Variants in GALK1 observed in about 807,000 individuals in gnomAD.
GALK1 encodes the protein galactokinase 1, also known as galactokinase.
Under a neutral mutation model 38.6 loss-of-function variants are expected in GALK1, and 30 were observed. The ratio of observed to expected loss-of-function variants is 0.78; its 90% CI spans 0.58 to 1.05. GALK1 has a LOEUF of 1.05. GALK1 is among the 50% of genes least tolerant of loss of function. The pLI, the probability that GALK1 is intolerant of heterozygous loss-of-function variation, is 0.00. For synonymous variants in GALK1, 240 were observed against 233.6 expected (o/e 1.03, Z -0.25); for missense variants, 512 against 540.5 (o/e 0.95, Z 0.52).
chr17:75,761,900 G>A (rs2061589019), intron 5 of GALK1, among the ~76,000 whole-genome samples: 1 of 151,538 alleles, frequency 6.6e-6, no homozygotes, highest in Non-Finnish European at 1.5e-5. Flanking sequence ...GGCGCCTGTA[G>A]TCCCAGCTAC....
chr17:75,764,190 G>GAGTAAGCCTCTCCAA, intron 1 of GALK1, 104 bp from the exon 2 acceptor site: 1 of 1,083,092 alleles, frequency 9.2e-7, no homozygotes, highest in Non-Finnish European at 1.4e-6. Flanking sequence ...CAGTCATCAG[G>GAGTAAGCCTCTCCAA]TTCTGAACCT....
intron 6 of GALK1, 36 bp from the exon 7 acceptor site, chr17:75,758,408 G>A (rs780053277): frequency 2.9e-5 from 45 of 1,578,654 alleles, no homozygotes; most frequent in East Asian, 4.6e-5. Flanking sequence ...GGCCTGGGCC[G>A]GCCTGTGCCC....
intron 7 of GALK1, 26 bp downstream of exon 7, chr17:75,758,184 C>A (rs533842408): frequency 1.2e-6 from 2 of 1,609,286 alleles, no homozygotes; most frequent in African/African-American, 2.7e-5. Context: ...CCGCTCCTGC[C>A]CGCCCAGGCC....
At chr17:75,756,587 C>T (rs989109091), downstream of GALK1, 5 of 1,612,716 alleles carry the variant, frequency 3.1e-6, no homozygotes, top group African/African-American at 4.0e-5. Flanking sequence ...ATCCCAGGTG[C>T]ACCCGCAGAG....
Position 75,758,428 on chromosome 17 carries a change from G to A in GALK1, c.944+21C>T, listed in dbSNP as rs55731940. On this transcript the variant is annotated intron_variant, in intron 6 of 7. Transcript: ENST00000588479. ...GGGCCGGCCTGTGCCCGGCAGGAGC[G>A]GGGCGCCCAGAGGGCCTCACCTGAG... 2,027 of 1,574,590 alleles carry A rather than the reference G, an allele frequency of 1.3e-3. 7 individuals carry two copies. The highest frequency in any genetic ancestry group is 7.5e-3 in the Middle Eastern group (45 of 6,012).
downstream of GALK1, chr17:75,755,141 T>A (rs761793204): frequency 1.2e-6 from 2 of 1,611,564 alleles, no homozygotes; most frequent in South Asian, 1.1e-5. Context: ...GATGAAAGGG[T>A]TCCCCCCTTC....
chr17:75,756,610 C>T (rs761480611), downstream of GALK1: 3 of 1,612,704 alleles, frequency 1.9e-6, no homozygotes, highest in Admixed American at 1.7e-5. Flanking sequence ...CACTGTGTCC[C>T]CTGCCAGGTG....
At chr17:75,753,832 G>GC, downstream of GALK1, 3 of 1,444,486 alleles carry the variant, frequency 2.1e-6, no homozygotes, top group Non-Finnish European at 1.8e-6. Context: ...CGTGGCGGCT[G>GC]CCCCCGGAGC....
At chr17:75,751,793 G>A (rs536755634) in intron 8 of GALK1, 3 of 315,456 alleles carry the variant, frequency 9.5e-6, no homozygotes, top group Admixed American at 4.5e-5. Context: ...CTAGCAGCCC[G>A]AGATCAGAGG....
rs556192480 is a variant in GALK1 at position 75,765,077 on chromosome 17, G to A, written c.60C>T (p.Phe20=). ...CGGGCTCGGCCCCGAACTCCTCCCG[G>A]AAGGCTCGCCGGGCCTCGGCCAGCA... The part of the protein sequence containing the change: ...AELLAEARRA[F]REEFGAEPEL... Residue 20 remains phenylalanine (F), a synonymous_variant, in exon 1 of 8, where the codon TTC becomes TTT. Coordinates refer to ENST00000588479, the MANE Select transcript of GALK1 (RefSeq NM_000154.2). 2.4e-5 allele frequency: 39 copies of A among 1,598,452 alleles called. No homozygotes were observed. In the African/African-American group the frequency reaches 2.8e-4, roughly 12 times the overall value.
rs752685775 is a variant in GALK1, at chr17:75,762,706, T to A, written c.791A>T (p.Glu264Val). The change falls in exon 5 of 8, where the codon GAG (glutamate) becomes GTG (valine). Residue 264 changes from glutamate (E) to valine (V), a missense_variant and splice_region_variant. Coordinates refer to ENST00000588479, the MANE Select transcript of GALK1 (RefSeq NM_000154.2). ...TAGAGCACCCTGGCAGTTCTCACCC[T>A]CTAGCTCTTCCAGTTGTACCTCCCG... ...SLREVQLEEL[E>V]AARDLVSKEG... The A allele has an allele frequency of 4.3e-6, 7 of 1,613,608 alleles. No homozygotes were observed. In the East Asian group the frequency reaches 1.6e-4, roughly 36 times the overall value.
At chr17:75,754,975 T>C (rs1440409443), downstream of GALK1, 61 of 1,535,882 alleles carry the variant, frequency 4.0e-5, no homozygotes, top group Non-Finnish European at 5.0e-5. Context: ...TGCACACATG[T>C]ACACAGACAT....
intron 8 of GALK1, chr17:75,752,404 G>GGGGCAGC: frequency 1.9e-6 from 3 of 1,612,838 alleles, no homozygotes; most frequent in Non-Finnish European, 2.5e-6. Flanking sequence ...AGGGGGGCAG[G>GGGGCAGC]GGGCAGCAGC....
At chr17:75,753,047 GTCAGCTGTGGCTCCACCTGTGGGACA>G (rs2061404273), downstream of GALK1, among the ~76,000 whole-genome samples, 1 of 152,244 alleles carries the variant, frequency 6.6e-6, no homozygotes, top group Non-Finnish European at 1.5e-5. Flanking sequence ...AGTGCTCAGT[GTCAGCTGTGGCTCCACCTGTGGGACA>G]TCAGATGAAT....
downstream of GALK1, chr17:75,754,882 G>C (rs187524227): frequency 4.4e-6 from 7 of 1,607,898 alleles, no homozygotes; most frequent in African/African-American, 1.3e-5. Context: ...CTGGAGCCTC[G>C]GGCTTCTGTC....
At chr17:75,760,752 G>C (rs907209523) in intron 5 of GALK1, among the ~76,000 whole-genome samples, 11 of 151,988 alleles carry the variant, frequency 7.2e-5, no homozygotes, top group African/African-American at 2.7e-4. Flanking sequence ...CTCCAGCCTG[G>C]GCTACAGAGC....
chr17:75,754,213 G>A (rs1235416536), downstream of GALK1, among the ~76,000 whole-genome samples: 1 of 152,224 alleles, frequency 6.6e-6, no homozygotes, highest in African/African-American at 2.4e-5. Flanking sequence ...AGTCTGCCCG[G>A]GAAGCGGACC....
downstream of GALK1, chr17:75,754,086 C>G: frequency 2.1e-6 from 1 of 465,704 alleles, no homozygotes; most frequent in Non-Finnish European, 3.6e-6. Flanking sequence ...CAGCCAGGCC[C>G]GGGCCTTGGC....
downstream of GALK1, chr17:75,757,599 C>CCGA: frequency 6.2e-7 from 1 of 1,612,198 alleles, no homozygotes; most frequent in South Asian, 1.1e-5. Context: ...AGGCGTCCTC[C>CCGA]CGACTCCTCT....
Sources: gnomAD v4.1 joint callset for allele counts (sites outside exome capture counted in the v4.1 genomes callset) on GRCh38, gnomAD v4.1.1 for gene constraint, MANE v1.5 for transcripts, NCBI Gene and HGNC (gene_info 2026-07-23, HGNC 2026-07-21) for gene names.